ASB5: variants seen among roughly 807,000 people sequenced by gnomAD.
ASB5 encodes the protein ankyrin repeat and SOCS box containing 5.
A neutral mutation model predicts 42.1 loss-of-function variants in ASB5; 45 were observed. That is an observed-to-expected ratio of 1.07 (90% CI 0.84 to 1.37). The LOEUF is 1.37. Among genes scored for constraint, ASB5 ranks in the 40% most tolerant of loss-of-function variants. The pLI is 0.00. For synonymous variants in ASB5, 147 were observed against 150.6 expected, an observed-to-expected ratio of 0.98 and a Z score of 0.18; for missense variants, 402 against 399.8, an observed-to-expected ratio of 1.01 and a Z score of -0.05.
rs528514201 is a variant in ASB5 at position 176,249,931 on chromosome 4, G to A, written c.196+18982C>T. On this transcript the variant is annotated intron_variant, in intron 1 of 6. Coordinates refer to ENST00000296525, the MANE Select transcript of ASB5 (RefSeq NM_080874.4). ...ACACAAAAAATTAGCCGGGCGTGGT[G>A]ACGGGCGCCTGTAGTCCCAGCTACT... 3.9e-5 allele frequency among the ~76,000 whole-genome samples: 6 copies of A among 151,928 alleles called. No individual in the cohort carries two copies. The South Asian group carries it at 6.2e-4, about 16-fold the overall frequency.
intron 1 of ASB5, among the ~76,000 whole-genome samples, chr4:176,252,251 G>A (rs371268520): frequency 2.0e-5 from 3 of 151,922 alleles, no homozygotes; most frequent in East Asian, 1.9e-4. Context: ...ATTCAACTTC[G>A]GACAGTATTG....
rs1038534683 is a variant in ASB5, at chr4:176,215,537, T to C, written c.*63A>G. On this transcript the variant is annotated 3_prime_UTR_variant, in exon 7 of 7. Transcript: ENST00000296525. ...ATCTTTAGCATATTTTTATATGAAC[T>C]ATTCCTTAAGCAAAAGAAATAGAAA... 1 of 1,522,938 alleles carries C rather than the reference T, an allele frequency of 6.6e-7. No individual in the cohort carries two copies. Among genetic ancestry groups the C allele is most frequent in the Non-Finnish European group, 9.0e-7 (1 of 1,111,544 alleles). 94.3% of individuals were successfully genotyped at this position (1,522,938 alleles called of 1,614,324 possible).
At chr4:176,235,418 A>G (rs1473400853) in intron 1 of ASB5, among the ~76,000 whole-genome samples, 3 of 152,162 alleles carry the variant, frequency 2.0e-5, no homozygotes, top group African/African-American at 7.2e-5. Context: ...TCAAGATACA[A>G]TCATAGTGTT....
chr4:176,217,594 CA>C (rs747830091), intron 5 of ASB5, among the ~76,000 whole-genome samples: 1 of 151,992 alleles, frequency 6.6e-6, no homozygotes, highest in Non-Finnish European at 1.5e-5. Context: ...CCTTTTAAAT[CA>C]AAAGGCACAT....
At chr4:176,241,770 G>T in intron 1 of ASB5, 2 of 852,498 alleles carry the variant, frequency 2.3e-6, no homozygotes, top group Non-Finnish European at 3.1e-6. Context: ...TGTTCCAAAG[G>T]TCATTCATTT....
At chr4:176,226,510 T>C (rs1219351132) in intron 1 of ASB5, among the ~76,000 whole-genome samples, 1 of 152,204 alleles carries the variant, frequency 6.6e-6, no homozygotes, top group East Asian at 1.9e-4. Flanking sequence ...CATAGTCATG[T>C]GAGCCAATTC....
chr4:176,220,903 G>A (rs1373813312), intron 5 of ASB5, among the ~76,000 whole-genome samples: 8 of 152,138 alleles, frequency 5.3e-5, no homozygotes, highest in Non-Finnish European at 1.2e-4. Context: ...GTCTGCTAAT[G>A]CAGTGCATGC....
intron 1 of ASB5, among the ~76,000 whole-genome samples, chr4:176,257,137 G>A (rs573443204): frequency 6.6e-6 from 1 of 152,170 alleles, no homozygotes; most frequent in African/African-American, 2.4e-5. Context: ...GGCAAAGGAC[G>A]TTACTATCTG....
intron 1 of ASB5, among the ~76,000 whole-genome samples, chr4:176,232,574 A>G (rs1265143373): frequency 6.6e-6 from 1 of 152,212 alleles, no homozygotes; most frequent in Non-Finnish European, 1.5e-5. Context: ...TGTATACAGT[A>G]TAAGCTTCAG....
intron 5 of ASB5, among the ~76,000 whole-genome samples, chr4:176,218,141 A>G: frequency 8.5e-6 from 1 of 118,160 alleles, no homozygotes; most frequent in East Asian, 2.1e-4. Flanking sequence ...ATATATTTGT[A>G]TGATATATAA....
upstream of ASB5, among the ~76,000 whole-genome samples, chr4:176,271,894 C>A (rs566916327): frequency 6.6e-6 from 1 of 152,126 alleles, no homozygotes; most frequent in South Asian, 2.1e-4. Flanking sequence ...TAAGCACTTA[C>A]AATCTGATTG....
chr4:176,257,166 G>A (rs1754172663), intron 1 of ASB5, among the ~76,000 whole-genome samples: 1 of 152,172 alleles, frequency 6.6e-6, no homozygotes, highest in Non-Finnish European at 1.5e-5. Context: ...TTGTGTGCTG[G>A]AGGTTAAGCA....
At chr4:176,233,787 C>T (rs184355582) in intron 1 of ASB5, among the ~76,000 whole-genome samples, 1 of 152,222 alleles carries the variant, frequency 6.6e-6, no homozygotes, top group African/African-American at 2.4e-5. Flanking sequence ...ATATTGATTA[C>T]CCCAATTTTA....
intron 1 of ASB5, among the ~76,000 whole-genome samples, chr4:176,243,997 C>G: frequency 6.6e-6 from 1 of 152,192 alleles, no homozygotes; most frequent in East Asian, 1.9e-4. Flanking sequence ...AATCTTTTAA[C>G]TGGAAAAACC....
intron 3 of ASB5, among the ~76,000 whole-genome samples, chr4:176,221,916 A>G (rs1350585369): frequency 2.0e-5 from 3 of 152,204 alleles, no homozygotes; most frequent in Non-Finnish European, 4.4e-5. Context: ...TGAAGAAAAA[A>G]GTGTAATGAT....
chr4:176,220,682 G>A (rs1160670436), intron 5 of ASB5, among the ~76,000 whole-genome samples: 1 of 152,160 alleles, frequency 6.6e-6, no homozygotes, highest in Non-Finnish European at 1.5e-5. Flanking sequence ...GTCTTTTCAA[G>A]TAAGCAGGAC....
intron 5 of ASB5, 32 bp downstream of exon 5, chr4:176,221,123 G>T: frequency 6.3e-7 from 1 of 1,589,566 alleles, no homozygotes; most frequent in South Asian, 1.2e-5. Flanking sequence ...TGTGTGTATG[G>T]ACAGAATGGA....
At chr4:176,218,333 T>TTGTATGATATATAAATATATA (rs1561250100) in intron 5 of ASB5, among the ~76,000 whole-genome samples, 6 of 64,812 alleles carry the variant, frequency 9.3e-5, no homozygotes, top group Non-Finnish European at 1.9e-4. Flanking sequence ...ATATATATAT[T>TTGTATGATATATAAATATATA]TGTATGATAT....
At position 176,221,584 on chromosome 4, in the gene ASB5, A is replaced by G. The variant is rs1170490088; in HGVS notation, c.401T>C (p.Ile134Thr). The change falls in exon 4 of 7, where the codon ATA (isoleucine) becomes ACA (threonine). Residue 134 changes from isoleucine to threonine, a missense_variant. Transcript: ENST00000296525. ...EAGANVNAIT[I>T]DGVTPLFNAC... ...GTTGAATAACGGAGTCACGCCATCT[A>G]TCGTGATTGCATTTACCTAAACCAA... 8 of 1,612,510 alleles carry G rather than the reference A, an allele frequency of 5.0e-6. No individual in the cohort carries two copies. The highest frequency in any genetic ancestry group is 6.8e-6 in the Non-Finnish European group (8 of 1,179,110).
Sources: gnomAD v4.1 joint callset for allele counts (sites outside exome capture counted in the v4.1 genomes callset) on GRCh38, gnomAD v4.1.1 for gene constraint, MANE v1.5 for transcripts, NCBI Gene and HGNC (gene_info 2026-07-23, HGNC 2026-07-21) for gene names.